Variants in EIF3H observed in about 807,000 individuals in gnomAD.
EIF3H encodes the protein eIF-3-gamma.
A neutral mutation model predicts 44.2 loss-of-function variants in EIF3H; 26 were observed. The observed-to-expected ratio is 0.59, with a 90% CI of 0.43 to 0.82. The LOEUF (loss-of-function observed/expected upper bound fraction) is 0.82, where lower values mean the gene tolerates loss of function less well. Among genes scored for constraint, EIF3H ranks in the 40% least tolerant of loss-of-function variants. The pLI, the probability that EIF3H is intolerant of heterozygous loss-of-function variation, is 0.00. For missense variants in EIF3H, 359 were observed against 432.8 expected, an observed-to-expected ratio of 0.83 and a Z score of 1.51; for synonymous variants, 166 against 151.9, an observed-to-expected ratio of 1.09 and a Z score of -0.68.
intron 1 of EIF3H, chr8:116,734,127 T>C (rs1814994551): frequency 2.8e-6 from 1 of 363,060 alleles, no homozygotes; most frequent in East Asian, 7.5e-5. Context: ...GTTTTGACCT[T>C]GGAGACTCTC....
rs1813233350 is a variant in EIF3H at position 116,642,171 on chromosome 8, GA to G, written c.*2834del. On this transcript the variant is annotated 3_prime_UTR_variant, in exon 8 of 8. Coordinates refer to ENST00000521861, the MANE Select transcript of EIF3H (RefSeq NM_003756.3). ...TTATTGTAAAAATGGAGTTTATAATGAAAATAAAAAATTATTTCATAACATT... is the reference window on the plus strand; with the variant it reads ...TTATTGTAAAAATGGAGTTTATAATGAAATAAAAAATTATTTCATAACATT... The G allele has an allele frequency of 6.6e-6, 1 of 151,928 alleles. No homozygotes were observed. The highest frequency in any genetic ancestry group is 2.1e-4 in the South Asian group (1 of 4,816). 9.4% of individuals were successfully genotyped at this position (151,928 alleles called of 1,614,324 possible).
intron 1 of EIF3H, among the ~76,000 whole-genome samples, chr8:116,761,282 T>A (rs1423773093): frequency 6.6e-6 from 1 of 152,120 alleles, no homozygotes; most frequent in East Asian, 1.9e-4. Flanking sequence ...GAGGCCAAGG[T>A]GGGCAGATCT....
chr8:116,757,946 G>A (rs968472948), upstream of EIF3H, among the ~76,000 whole-genome samples: 3 of 152,040 alleles, frequency 2.0e-5, no homozygotes, highest in East Asian at 1.9e-4. Flanking sequence ...GGTTTCGAAC[G>A]CCTCACCTCA....
At position 116,755,802 on chromosome 8, in the gene EIF3H, C is replaced by T; in HGVS notation, c.-5G>A. The T allele has an allele frequency of 6.2e-7, 1 of 1,613,078 alleles. No individual in the cohort carries two copies. The highest frequency in any genetic ancestry group is 1.3e-5 in the African/African-American group (1 of 75,038). ...ACCTTCCTTGCGGGACGCCATCTTT[C>T]CAAGCAGACAGGAAGAAAGAGAAAC... On this transcript the variant is annotated 5_prime_UTR_variant, in exon 1 of 8. Transcript: ENST00000521861.
intron 2 of EIF3H, among the ~76,000 whole-genome samples, chr8:116,688,895 G>A (rs937129100): frequency 5.3e-5 from 8 of 152,144 alleles, no homozygotes; most frequent in African/African-American, 1.7e-4. Flanking sequence ...AAACAGCTTC[G>A]CACTTCCTAA....
At chr8:116,736,904 C>T (rs1815051342) in intron 1 of EIF3H, among the ~76,000 whole-genome samples, 1 of 151,966 alleles carries the variant, frequency 6.6e-6, no homozygotes, top group African/African-American at 2.4e-5. Context: ...TTTTAATAAA[C>T]CTAGGTCACC....
intron 1 of EIF3H, among the ~76,000 whole-genome samples, chr8:116,727,384 A>G (rs1042575683): frequency 6.6e-6 from 1 of 152,238 alleles, no homozygotes; most frequent in Non-Finnish European, 1.5e-5. Context: ...CCAGGAAACT[A>G]AAGAAATTTA....
At chr8:116,659,851 T>C (rs1813554969) in intron 2 of EIF3H, among the ~76,000 whole-genome samples, 1 of 152,170 alleles carries the variant, frequency 6.6e-6, no homozygotes, top group Non-Finnish European at 1.5e-5. Flanking sequence ...GAAAACTTTA[T>C]AGTCAACATA....
chr8:116,683,539 CG>C (rs1291655405), intron 2 of EIF3H, among the ~76,000 whole-genome samples: 1 of 152,134 alleles, frequency 6.6e-6, no homozygotes, highest in Non-Finnish European at 1.5e-5. Context: ...AGAAATTTGA[CG>C]TAAGAATTTT....
chr8:116,706,942 C>A (rs1268607300), intron 2 of EIF3H, among the ~76,000 whole-genome samples: 1 of 152,146 alleles, frequency 6.6e-6, no homozygotes, highest in Non-Finnish European at 1.5e-5. Context: ...ACAGGCTAAG[C>A]TATGACGTTT....
intron 2 of EIF3H, among the ~76,000 whole-genome samples, chr8:116,672,559 G>A (rs1813774783): frequency 6.6e-6 from 1 of 152,010 alleles, no homozygotes; most frequent in Admixed American, 6.6e-5. Context: ...GGGTCCAGTA[G>A]TTTGAGGCTG....
intron 2 of EIF3H, among the ~76,000 whole-genome samples, chr8:116,722,755 T>A (rs56697019): frequency 0.037 from 5,681 of 152,210 alleles, 308 homozygotes; most frequent in African/African-American, 0.12. Context: ...TCATTTTTTT[T>A]AAAAAATCTA....
intron 5 of EIF3H, among the ~76,000 whole-genome samples, chr8:116,650,263 A>C (rs1813366667): frequency 6.6e-6 from 1 of 152,298 alleles, no homozygotes; most frequent in East Asian, 1.9e-4. Context: ...AAAAATGAAA[A>C]CACTCATACA....
Position 116,701,900 on chromosome 8 carries a change from AT to A in EIF3H, c.289+24115del, listed in dbSNP as rs374437173. On this transcript the variant is annotated intron_variant, in intron 2 of 7. Transcript: ENST00000521861. ...CTGGAGAAATCTGAATAAATTCTGC[AT>A]TTTAGTTAATGGTACTGTACCAATT... Among the ~76,000 whole-genome samples, 172 of 152,360 alleles carry A rather than the reference AT, an allele frequency of 1.1e-3. 3 individuals carry two copies. In the East Asian group the frequency reaches 0.029, roughly 26 times the overall value.
intron 2 of EIF3H, among the ~76,000 whole-genome samples, chr8:116,725,171 T>A (rs1814813952): frequency 6.6e-6 from 1 of 152,286 alleles, no homozygotes; most frequent in East Asian, 1.9e-4. Context: ...CTAAATAACA[T>A]AAGTCACTCA....
intron 5 of EIF3H, 90 bp downstream of exon 5, chr8:116,655,766 G>T: frequency 7.4e-7 from 1 of 1,357,660 alleles, no homozygotes; most frequent in Non-Finnish European, 1.0e-6. Context: ...TTAAGTAACT[G>T]TTTTCTTGTT....
intron 2 of EIF3H, among the ~76,000 whole-genome samples, chr8:116,660,959 T>C (rs1044805339): frequency 6.6e-6 from 1 of 152,228 alleles, no homozygotes; most frequent in African/African-American, 2.4e-5. Context: ...AAAAGCAGTA[T>C]GAAATATGAT....
chr8:116,733,355 T>G (rs1488539380), intron 1 of EIF3H, among the ~76,000 whole-genome samples: 10 of 152,148 alleles, frequency 6.6e-5, no homozygotes, highest in Admixed American at 6.5e-4. Context: ...CCACCTACCC[T>G]CTTTCCCAGA....
At chr8:116,652,361 A>T (rs1437258783) in intron 5 of EIF3H, among the ~76,000 whole-genome samples, 1 of 152,264 alleles carries the variant, frequency 6.6e-6, no homozygotes, top group Non-Finnish European at 1.5e-5. Flanking sequence ...GGAAACAGTG[A>T]CATCAAAATT....
Sources: gnomAD v4.1 joint callset for allele counts (sites outside exome capture counted in the v4.1 genomes callset) on GRCh38, gnomAD v4.1.1 for gene constraint, MANE v1.5 for transcripts, NCBI Gene and HGNC (gene_info 2026-07-23, HGNC 2026-07-21) for gene names.